LTBP1: variants seen among roughly 807,000 people sequenced by gnomAD.
LTBP1 encodes the protein latent transforming growth factor beta binding protein 1, also known as latent-transforming growth factor beta-binding protein 1.
LTBP1 carries 129 observed loss-of-function variants against 207.6 expected under a neutral mutation model. The ratio of observed to expected loss-of-function variants is 0.62; its 90% CI spans 0.54 to 0.72. The LOEUF (loss-of-function observed/expected upper bound fraction) is 0.72, where lower values mean the gene tolerates loss of function less well. Ranked by LOEUF, LTBP1 falls within the 30% of genes least tolerant of loss-of-function variation. The pLI, the probability that LTBP1 is intolerant of heterozygous loss-of-function variation, is 0.00. For synonymous variants in LTBP1, 963 were observed against 833.7 expected (o/e 1.16, Z -2.67); for missense variants, 2,281 against 2,217.2 (o/e 1.03, Z -0.58).
chr2:33,175,193 A>G (rs1429498767), intron 5 of LTBP1, among the ~76,000 whole-genome samples: 4 of 151,002 alleles, frequency 2.6e-5, no homozygotes, highest in African/African-American at 9.7e-5. Flanking sequence ...TGCACAGCAA[A>G]AGAAACTACC....
Position 33,340,807 on chromosome 2 carries a change from T to C in LTBP1, c.3731-2031T>C, listed in dbSNP as rs186626642. Among the ~76,000 whole-genome samples the C allele has an allele frequency of 2.4e-4, 36 of 152,304 alleles. 2 individuals carry two copies. Among genetic ancestry groups the C allele is most frequent in the Admixed American group, 2.6e-4 (4 of 15,296 alleles). On this transcript the variant is annotated intron_variant, in intron 24 of 33. Coordinates refer to ENST00000404816, the MANE Select transcript of LTBP1 (RefSeq NM_206943.4). ...TTATTTTGTTTAATGCTCACAGTAA[T>C]TGTAGGAACTTACCAATGTTATTAA... is the stretch of plus-strand genomic sequence containing the variant.
chr2:32,994,454 C>T (rs1684929420), intron 2 of LTBP1, among the ~76,000 whole-genome samples: 1 of 151,642 alleles, frequency 6.6e-6, no homozygotes, highest in Admixed American at 6.6e-5. Context: ...GCACGCTTAT[C>T]TAATATTAGT....
At position 33,243,756 on chromosome 2, in the gene LTBP1, G is replaced by A. The variant is rs2092416528; in HGVS notation, c.1971G>A (p.Gly657=). ...GATGTACCTGCAAAATAGGATTTGG[G>A]CCGGATCCTACCTTTTCAAGTTGTG... ...SYRCTCKIGF[G]PDPTFSSCVP... The change falls in exon 10 of 34, where the codon GGG becomes GGA. Residue 657 remains glycine, a synonymous_variant. Transcript: ENST00000404816. The A allele has an allele frequency of 1.9e-6, 3 of 1,613,910 alleles. No homozygotes were observed. The South Asian group carries it at 3.3e-5, about 18-fold the overall frequency.
chr2:33,017,209 A>G (rs376680824), intron 2 of LTBP1, among the ~76,000 whole-genome samples: 1 of 152,252 alleles, frequency 6.6e-6, no homozygotes, highest in African/African-American at 2.4e-5. Context: ...TAAAATTGCA[A>G]TAAAAATGGC....
intron 31 of LTBP1, among the ~76,000 whole-genome samples, chr2:33,378,226 G>GTGTGTGTGT (rs1558324150): frequency 1.7e-4 from 20 of 120,626 alleles, no homozygotes; most frequent in African/African-American, 5.6e-4. Context: ...TGTGTGTTTT[G>GTGTGTGTGT]TTTGTTTGTT....
chr2:33,110,386 C>T (rs377344618), intron 3 of LTBP1, among the ~76,000 whole-genome samples, 196 bp from the exon 4 acceptor site: 7 of 152,110 alleles, frequency 4.6e-5, no homozygotes, highest in Non-Finnish European at 7.3e-5. Context: ...TCGTGAAGGA[C>T]GCTTCTGAGC....
At chr2:33,339,782 A>G (rs2149617300) in intron 24 of LTBP1, among the ~76,000 whole-genome samples, 1 of 151,820 alleles carries the variant, frequency 6.6e-6, no homozygotes, top group South Asian at 2.1e-4. Flanking sequence ...AGTAACTGGG[A>G]TTACAGTCAT....
intron 2 of LTBP1, among the ~76,000 whole-genome samples, chr2:32,986,882 C>T (rs1244503275): frequency 6.6e-6 from 1 of 152,186 alleles, no homozygotes; most frequent in Non-Finnish European, 1.5e-5. Flanking sequence ...TAGTGACAGT[C>T]CCAGAGAGAA....
At chr2:33,013,990 A>G (rs1175700228) in intron 2 of LTBP1, among the ~76,000 whole-genome samples, 1 of 152,172 alleles carries the variant, frequency 6.6e-6, no homozygotes, top group East Asian at 1.9e-4. Context: ...TACTCGTAAG[A>G]TTAGAAAGGC....
intron 11 of LTBP1, among the ~76,000 whole-genome samples, chr2:33,254,406 T>A (rs2092770315): frequency 1.3e-5 from 2 of 152,274 alleles, no homozygotes; most frequent in Non-Finnish European, 2.9e-5. Context: ...TAAATTGAGA[T>A]GGTGACTGGA....
chr2:33,159,230 C>T (rs751938195), intron 5 of LTBP1, among the ~76,000 whole-genome samples: 11 of 152,290 alleles, frequency 7.2e-5, no homozygotes, highest in Middle Eastern at 3.4e-3. Flanking sequence ...AACTCAAGGG[C>T]GTCCTATCAC....
chr2:33,175,532 A>C (rs2085942358), intron 5 of LTBP1, among the ~76,000 whole-genome samples: 1 of 152,244 alleles, frequency 6.6e-6, no homozygotes, highest in Admixed American at 6.5e-5. Flanking sequence ...GTGGAGAAAC[A>C]GGAAAGCTTT....
At chr2:33,092,606 TGGAA>T (rs1246009550) in intron 3 of LTBP1, among the ~76,000 whole-genome samples, 4 of 150,126 alleles carry the variant, frequency 2.7e-5, no homozygotes, top group Middle Eastern at 3.2e-3. Context: ...TGTTTTTTCT[TGGAA>T]GGAATAAATA....
At chr2:33,270,042 G>A (rs973804387) in intron 15 of LTBP1, among the ~76,000 whole-genome samples, 1 of 146,184 alleles carries the variant, frequency 6.8e-6, no homozygotes, top group Admixed American at 6.9e-5. Context: ...TCAGCCTCCC[G>A]AATAGCTGGG....
At chr2:33,282,003 TG>T (rs2093567530) in intron 19 of LTBP1, among the ~76,000 whole-genome samples, 1 of 151,182 alleles carries the variant, frequency 6.6e-6, no homozygotes, top group South Asian at 2.1e-4. Flanking sequence ...CTGATCAAAT[TG>T]GCAAGTGATT....
intron 7 of LTBP1, among the ~76,000 whole-genome samples, chr2:33,197,188 C>T (rs2088661131): frequency 6.6e-6 from 1 of 152,122 alleles, no homozygotes; most frequent in Non-Finnish European, 1.5e-5. Flanking sequence ...ATTCAAAGAA[C>T]AGAAATTGAT....
chr2:33,057,578 G>T (rs112967632), intron 3 of LTBP1, among the ~76,000 whole-genome samples: 2,105 of 152,344 alleles, frequency 0.014, 19 homozygotes, highest in Non-Finnish European at 0.02. Context: ...GCCCCACAGG[G>T]AGGCAGCTAA....
At chr2:33,225,065 G>C (rs1316571310) in intron 9 of LTBP1, among the ~76,000 whole-genome samples, 1 of 152,166 alleles carries the variant, frequency 6.6e-6, no homozygotes, top group South Asian at 2.1e-4. Context: ...GACTTTAACT[G>C]TGTCCCTTAA....
intron 31 of LTBP1, among the ~76,000 whole-genome samples, chr2:33,379,815 GAA>G (rs1398772132): frequency 1.3e-5 from 2 of 152,016 alleles, no homozygotes; most frequent in Non-Finnish European, 2.9e-5. Flanking sequence ...ACATTGATTA[GAA>G]CTTGCTCTTC....
Sources: allele counts gnomAD v4.1 joint callset (sites outside exome capture counted in the v4.1 genomes callset), GRCh38; gene constraint gnomAD v4.1.1; transcripts MANE v1.5; gene names NCBI Gene and HGNC (gene_info 2026-07-23, HGNC 2026-07-21).